Variants in BCL11A observed in about 807,000 individuals in gnomAD.
BCL11A encodes the protein B cell CLL/lymphoma 11A.
Under a neutral mutation model 55.9 loss-of-function variants are expected in BCL11A, and 2 were observed. The observed-to-expected ratio is 0.04, with a 90% CI of 0.01 to 0.11. The LOEUF is 0.11. Among genes scored for constraint, BCL11A ranks in the 10% least tolerant of loss-of-function variants. The pLI is 1.00. For synonymous variants in BCL11A, 465 were observed against 473.4 expected (o/e 0.98, Z 0.23); for missense variants, 817 against 1,137.1 (o/e 0.72, Z 4.05).
At chr2:60,495,539 C>T (rs894091234) in intron 2 of BCL11A, 1 of 152,244 alleles carries the variant, frequency 6.6e-6, no homozygotes, top group African/African-American at 2.4e-5. Flanking sequence ...TCCATCAGTA[C>T]CTCAGAGTAG....
chr2:60,515,807 T>G (rs1286442050), intron 2 of BCL11A, among the ~76,000 whole-genome samples: 1 of 152,204 alleles, frequency 6.6e-6, no homozygotes, highest in African/African-American at 2.4e-5. Context: ...TCCCCATTTC[T>G]GCCCCTGACT....
chr2:60,519,022 T>A (rs188673387), intron 2 of BCL11A, among the ~76,000 whole-genome samples: 56 of 152,274 alleles, frequency 3.7e-4, no homozygotes, highest in African/African-American at 1.2e-3. Flanking sequence ...ATGGCACACA[T>A]CTCTCAACTC....
chr2:60,501,184 C>T (rs1188990337), intron 2 of BCL11A, among the ~76,000 whole-genome samples: 1 of 152,190 alleles, frequency 6.6e-6, no homozygotes, highest in African/African-American at 2.4e-5. Context: ...GTTTCAGAAA[C>T]ACTACCTTCA....
chr2:60,458,864 A>C lies in BCL11A; in HGVS notation c.*1540T>G, dbSNP rs1270063904. ...GATGCTAGCTTAATAAAAAAGAAAA[A>C]ATTAAAAAAATAAAAATAAAAACAA... is the stretch of plus-strand genomic sequence containing the variant. On this transcript the variant is annotated 3_prime_UTR_variant, in exon 4 of 4. Transcript: ENST00000642384. 1 of 1,026,576 alleles carries C rather than the reference A, an allele frequency of 9.7e-7. No individual in the cohort carries two copies. The highest frequency in any genetic ancestry group is 1.2e-6 in the Non-Finnish European group (1 of 852,746). 63.6% of individuals were successfully genotyped at this position (1,026,576 alleles called of 1,614,324 possible). A position where few individuals can be genotyped will look rare whatever the true frequency, so the allele number is the denominator to read the frequency against.
At chr2:60,486,711 A>G (rs905783953) in intron 2 of BCL11A, among the ~76,000 whole-genome samples, 3 of 152,228 alleles carry the variant, frequency 2.0e-5, no homozygotes, top group Admixed American at 2.0e-4. Flanking sequence ...AACTTCTCTC[A>G]GGAAGGCCTT....
chr2:60,496,137 C>A (rs959083273), intron 2 of BCL11A, among the ~76,000 whole-genome samples: 1 of 152,172 alleles, frequency 6.6e-6, no homozygotes, highest in Non-Finnish European at 1.5e-5. Flanking sequence ...AAATGGATTA[C>A]GGAAACAGGG....
chr2:60,505,418 G>GA (rs1211213751), intron 2 of BCL11A, among the ~76,000 whole-genome samples: 3 of 152,194 alleles, frequency 2.0e-5, no homozygotes, highest in Non-Finnish European at 4.4e-5. Context: ...TCAGCTTGGG[G>GA]AAAATCACTC....
intron 1 of BCL11A, among the ~76,000 whole-genome samples, chr2:60,547,337 C>T (rs1346500873): frequency 6.6e-6 from 1 of 152,058 alleles, no homozygotes; most frequent in Non-Finnish European, 1.5e-5. Context: ...CACATAATCA[C>T]CAGCGGATGG....
chr2:60,543,646 T>C (rs1410814430), intron 2 of BCL11A: 1 of 152,252 alleles, frequency 6.6e-6, no homozygotes, highest in African/African-American at 2.4e-5. Flanking sequence ...TGATTCTAGT[T>C]ACTGACATCT....
chr2:60,549,352 G>A (rs1028494426), intron 1 of BCL11A, among the ~76,000 whole-genome samples: 3 of 152,212 alleles, frequency 2.0e-5, no homozygotes, highest in Non-Finnish European at 2.9e-5. Context: ...AAAGGGAGAT[G>A]TGTCTTCAAG....
chr2:60,549,912 G>T (rs1037362257), intron 1 of BCL11A: 1 of 152,354 alleles, frequency 6.6e-6, no homozygotes, highest in Non-Finnish European at 1.5e-5. Flanking sequence ...CTGGGTGTGC[G>T]CGGCGGCGGC....
intron 2 of BCL11A, among the ~76,000 whole-genome samples, chr2:60,488,848 C>T (rs1186149034): frequency 1.3e-5 from 2 of 152,234 alleles, no homozygotes; most frequent in Non-Finnish European, 2.9e-5. Flanking sequence ...CAATCTCCGC[C>T]TCCCGGGTTC....
chr2:60,552,160 A>C (rs1017721757), intron 1 of BCL11A, among the ~76,000 whole-genome samples: 14 of 151,842 alleles, frequency 9.2e-5, no homozygotes, highest in Non-Finnish European at 1.6e-4. Context: ...GGGGGAGTCA[A>C]AGAGAAGGCC....
chr2:60,501,505 CTTTTTTT>C (rs11366853), intron 2 of BCL11A, among the ~76,000 whole-genome samples: 3 of 119,726 alleles, frequency 2.5e-5, no homozygotes, highest in Non-Finnish European at 5.2e-5. Flanking sequence ...ACACCGCTTT[CTTTTTTT>C]TTTTTTTTTT....
chr2:60,474,826 A>G lies in BCL11A; in HGVS notation c.386-5993T>C, dbSNP rs578029443. Among the ~76,000 whole-genome samples, 33 of 152,368 alleles carry G rather than the reference A, an allele frequency of 2.2e-4. No homozygotes were observed. The East Asian group carries it at 6.4e-3, about 29-fold the overall frequency. ...GCTAGCCGCTGTGGGCAGTACAAAG[A>G]AAACACGGACACAGATTTCTCCCAC... On this transcript the variant is annotated intron_variant, in intron 2 of 3. Transcript: ENST00000642384.
chr2:60,529,324 A>G (rs1304701962), intron 2 of BCL11A, among the ~76,000 whole-genome samples: 1 of 152,200 alleles, frequency 6.6e-6, no homozygotes, highest in Non-Finnish European at 1.5e-5. Context: ...CAAAGGCCCT[A>G]TGAGGCAAGC....
intron 2 of BCL11A, among the ~76,000 whole-genome samples, chr2:60,489,882 T>C (rs1194916489): frequency 1.3e-5 from 2 of 152,172 alleles, no homozygotes; most frequent in African/African-American, 4.8e-5. Flanking sequence ...ATGCCTGCCT[T>C]ATTTTGTCAC....
chr2:60,493,437 G>C (rs925354266), intron 2 of BCL11A, among the ~76,000 whole-genome samples: 5 of 152,080 alleles, frequency 3.3e-5, no homozygotes, highest in Non-Finnish European at 5.9e-5. Flanking sequence ...TCCCTGGAGA[G>C]TTCAACTCCA....
downstream of BCL11A, among the ~76,000 whole-genome samples, chr2:60,453,415 C>T (rs568117219): frequency 6.6e-5 from 10 of 152,242 alleles, no homozygotes; most frequent in Non-Finnish European, 1.0e-4. Flanking sequence ...ACCACTGTGG[C>T]ATTCCAGGCC....
Sources: allele counts gnomAD v4.1 joint callset (sites outside exome capture counted in the v4.1 genomes callset), GRCh38; gene constraint gnomAD v4.1.1; transcripts MANE v1.5; gene names NCBI Gene and HGNC (gene_info 2026-07-23, HGNC 2026-07-21).